PCDHA9: variants seen among roughly 807,000 people sequenced by gnomAD.
PCDHA9 encodes the protein protocadherin alpha 9, also known as protocadherin alpha-9.
In PCDHA9, 62 loss-of-function variants were observed where a neutral mutation model predicts 62.0. The observed-to-expected ratio is 1.00, with a 90% CI of 0.81 to 1.23. The LOEUF (loss-of-function observed/expected upper bound fraction) is 1.23. Among genes scored for constraint, PCDHA9 ranks in the 50% most tolerant of loss-of-function variants. The probability of loss-of-function intolerance (pLI) is 0.00; values close to 1 mark genes in which losing one functional copy is unlikely to be tolerated. For synonymous variants in PCDHA9, 557 were observed against 567.6 expected, an observed-to-expected ratio of 0.98 and a Z score of 0.27; for missense variants, 1,205 against 1,249.8, an observed-to-expected ratio of 0.96 and a Z score of 0.54.
At chr5:140,982,694 A>G in intron 3 of PCDHA9, 131 bp downstream of exon 3, 1 of 1,402,998 alleles carries the variant, frequency 7.1e-7, no homozygotes, top group Non-Finnish European at 9.4e-7. Flanking sequence ...TTCCATACAT[A>G]CATGATTTCC....
At chr5:140,856,624 G>T in intron 1 of PCDHA9, 1 of 1,597,992 alleles carries the variant, frequency 6.3e-7, no homozygotes, top group Non-Finnish European at 8.6e-7. Context: ...AATTCCCAGT[G>T]CTTGTTCTGC....
intron 1 of PCDHA9, chr5:140,863,519 A>G (rs1309854310): frequency 7.5e-6 from 3 of 400,164 alleles, no homozygotes; most frequent in Non-Finnish European, 1.5e-5. Context: ...GTGTTCTCCC[A>G]TGGTTCAGAT....
intron 3 of PCDHA9, among the ~76,000 whole-genome samples, chr5:140,998,912 C>T (rs1256504660): frequency 6.6e-6 from 1 of 152,182 alleles, no homozygotes; most frequent in Admixed American, 6.6e-5. Context: ...CGGGAGGTAG[C>T]TATTATATCC....
chr5:140,882,596 G>C, intron 1 of PCDHA9: 1 of 1,614,248 alleles, frequency 6.2e-7, no homozygotes, highest in Non-Finnish European at 8.5e-7. Context: ...GGAGGTGATC[G>C]TGGACAGGCC....
At chr5:140,870,461 C>T (rs1554164294) in intron 1 of PCDHA9, 1 of 1,614,246 alleles carries the variant, frequency 6.2e-7, no homozygotes, top group Non-Finnish European at 8.5e-7. Context: ...AATGCGCCTG[C>T]GTTCGCACAG....
At chr5:140,875,207 C>A in intron 1 of PCDHA9, 3 of 660,292 alleles carry the variant, frequency 4.5e-6, no homozygotes, top group Non-Finnish European at 6.7e-6. Flanking sequence ...AGTGGCTAAA[C>A]CGAAAAGAAC....
intron 1 of PCDHA9, chr5:140,854,215 G>A: frequency 1.5e-6 from 1 of 645,326 alleles, no homozygotes; most frequent in Non-Finnish European, 1.9e-6. Flanking sequence ...TTCAATATTG[G>A]ACATCTACAT....
chr5:140,849,824 G>A lies in PCDHA9; in HGVS notation c.1329G>A (p.Val443=), dbSNP rs2150452119. Reference sequence around the variant, plus strand: ...TGTGGGCCACGGCCAGGGTGTCTGTGGAGGTGGCCGACGTGAACGACAACG... The same window carrying A: ...TGTGGGCCACGGCCAGGGTGTCTGTAGAGGTGGCCGACGTGAACGACAACG... The part of the protein sequence containing the change: ...PSLWATARVS[V]EVADVNDNAP... Residue 443 remains valine, a synonymous_variant, in exon 1 of 4, where the codon GTG becomes GTA. Transcript: ENST00000532602. 3.1e-6 allele frequency: 5 copies of A among 1,598,646 alleles called. No individual in the cohort carries two copies. The highest frequency in any genetic ancestry group is 2.6e-6 in the Non-Finnish European group (3 of 1,168,000).
intron 3 of PCDHA9, among the ~76,000 whole-genome samples, chr5:140,995,012 AGG>A (rs1360435760): frequency 6.6e-6 from 1 of 152,218 alleles, no homozygotes; most frequent in Non-Finnish European, 1.5e-5. Context: ...GTTTATATTT[AGG>A]AAAGAAGATT....
intron 1 of PCDHA9, chr5:140,871,093 G>C: frequency 1.9e-6 from 3 of 1,613,300 alleles, no homozygotes; most frequent in Non-Finnish European, 2.5e-6. Context: ...CACGGCCACC[G>C]TGCTGGTGTC....
chr5:140,942,617 TG>T (rs1223896117), intron 1 of PCDHA9, among the ~76,000 whole-genome samples: 4 of 100,138 alleles, frequency 4.0e-5, no homozygotes, highest in Admixed American at 9.6e-5. Flanking sequence ...ATTTGCCAAT[TG>T]TAAAAAAAAA....
At chr5:140,964,062 C>T (rs1257577051) in intron 1 of PCDHA9, among the ~76,000 whole-genome samples, 1 of 152,124 alleles carries the variant, frequency 6.6e-6, no homozygotes, top group Middle Eastern at 3.2e-3. Flanking sequence ...GTGGTCAAGG[C>T]ATTAGTGTTA....
chr5:140,995,861 A>G (rs2097700846), intron 3 of PCDHA9, among the ~76,000 whole-genome samples: 1 of 152,220 alleles, frequency 6.6e-6, no homozygotes. Context: ...GTATCACTTA[A>G]TAATTGTGCA....
At chr5:140,953,620 T>G (rs1207803220) in intron 1 of PCDHA9, among the ~76,000 whole-genome samples, 1 of 152,146 alleles carries the variant, frequency 6.6e-6, no homozygotes, top group Non-Finnish European at 1.5e-5. Context: ...CTTAGATATT[T>G]GCTTTATGTA....
chr5:140,918,660 A>G (rs1490487097), intron 1 of PCDHA9, among the ~76,000 whole-genome samples: 1 of 152,200 alleles, frequency 6.6e-6, no homozygotes, highest in Non-Finnish European at 1.5e-5. Context: ...TCTCATGTTG[A>G]TGGTATGAAG....
chr5:140,853,937 G>A (rs367556947), intron 1 of PCDHA9: 2 of 835,562 alleles, frequency 2.4e-6, no homozygotes, highest in Non-Finnish European at 2.9e-6. Flanking sequence ...GGGAGGCCAA[G>A]GTGGGAGGGT....
intron 1 of PCDHA9, chr5:140,882,952 G>A (rs782634608): frequency 3.7e-6 from 6 of 1,614,048 alleles, no homozygotes; most frequent in Non-Finnish European, 5.1e-6. Flanking sequence ...CAGTTCAGCT[G>A]CTCATCACGA....
At chr5:140,940,599 C>T (rs1356432549) in intron 1 of PCDHA9, among the ~76,000 whole-genome samples, 2 of 151,918 alleles carry the variant, frequency 1.3e-5, no homozygotes, top group African/African-American at 4.8e-5. Context: ...AGGCATGAGC[C>T]GCTGCTCCTG....
chr5:140,928,940 A>G (rs2085663832), intron 1 of PCDHA9: 1 of 1,613,944 alleles, frequency 6.2e-7, no homozygotes. Flanking sequence ...CAGAACTTGT[A>G]TTTAGTAATT....
Sources: allele counts gnomAD v4.1 joint callset (sites outside exome capture counted in the v4.1 genomes callset), GRCh38; gene constraint gnomAD v4.1.1; transcripts MANE v1.5; gene names NCBI Gene and HGNC (gene_info 2026-07-23, HGNC 2026-07-21).